Variants in PTPRD observed in about 807,000 individuals in gnomAD.
PTPRD encodes the protein protein tyrosine phosphatase receptor type D.
PTPRD carries 34 observed loss-of-function variants against 214.5 expected under a neutral mutation model. The ratio of observed to expected loss-of-function variants is 0.16; its 90% CI spans 0.12 to 0.21. The LOEUF is 0.21. PTPRD is among the 10% of genes least tolerant of loss of function. The pLI is 1.00. For synonymous variants in PTPRD, 1,128 were observed against 845.7 expected, an observed-to-expected ratio of 1.33 and a Z score of -5.79; for missense variants, 2,545 against 2,398.7, an observed-to-expected ratio of 1.06 and a Z score of -1.27.
intron 7 of PTPRD, among the ~76,000 whole-genome samples, chr9:9,625,900 C>G (rs761749681): frequency 3.9e-5 from 6 of 152,132 alleles, no homozygotes; most frequent in Non-Finnish European, 5.9e-5. Flanking sequence ...GAGCAGGAGT[C>G]AGCAGACTTT....
intron 16 of PTPRD, among the ~76,000 whole-genome samples, chr9:8,526,938 T>C (rs1010932445): frequency 3.6e-4 from 55 of 151,230 alleles, no homozygotes; most frequent in African/African-American, 1.1e-3. Context: ...TAGAATTATA[T>C]CTTATATGCC....
At chr9:10,361,473 T>A (rs1372970403) in intron 2 of PTPRD, among the ~76,000 whole-genome samples, 2 of 151,780 alleles carry the variant, frequency 1.3e-5, no homozygotes, top group African/African-American at 4.8e-5. Context: ...AGTAGCAGAG[T>A]GGACAGTTGG....
chr9:8,539,560 T>G (rs894654109), intron 14 of PTPRD, among the ~76,000 whole-genome samples: 4 of 151,834 alleles, frequency 2.6e-5, no homozygotes, highest in Non-Finnish European at 2.9e-5. Flanking sequence ...TGGAGAAGGC[T>G]TACAGAAACA....
chr9:8,319,809 A>T (rs1402795995), intron 45 of PTPRD, 22 bp downstream of exon 45: 1 of 1,611,370 alleles, frequency 6.2e-7, no homozygotes, highest in Non-Finnish European at 8.5e-7. Flanking sequence ...TGAGATGCGA[A>T]AAATGCAATG....
intron 12 of PTPRD, among the ~76,000 whole-genome samples, chr9:8,693,778 C>T (rs56250007): frequency 2.0e-5 from 3 of 152,198 alleles, no homozygotes; most frequent in Admixed American, 6.5e-5. Context: ...CAAAGCAAAG[C>T]TGAGAAAACA....
chr9:9,280,602 A>G (rs1239005370), intron 9 of PTPRD, among the ~76,000 whole-genome samples: 2 of 151,324 alleles, frequency 1.3e-5, no homozygotes, highest in Non-Finnish European at 3.0e-5. Context: ...CAGGAAAACT[A>G]TAAAACTTTG....
At chr9:8,817,521 C>A (rs550941407) in intron 11 of PTPRD, among the ~76,000 whole-genome samples, 56 of 152,136 alleles carry the variant, frequency 3.7e-4, no homozygotes, top group African/African-American at 1.3e-3. Context: ...CAGCCAGCTC[C>A]TTGGGAGGCT....
At chr9:8,635,396 C>G in intron 13 of PTPRD, among the ~76,000 whole-genome samples, 1 of 151,708 alleles carries the variant, frequency 6.6e-6, no homozygotes, top group East Asian at 1.9e-4. Flanking sequence ...TTCTACATGA[C>G]ACAGGAAACA....
intron 3 of PTPRD, among the ~76,000 whole-genome samples, chr9:10,321,414 G>A (rs73644416): frequency 0.01 from 1,538 of 152,056 alleles, 30 homozygotes; most frequent in African/African-American, 0.035. Context: ...GCAACAAACA[G>A]AAAACAGAAT....
intron 19 of PTPRD, among the ~76,000 whole-genome samples, chr9:8,522,427 T>A (rs1404638563): frequency 2.0e-5 from 3 of 152,136 alleles, no homozygotes; most frequent in African/African-American, 7.2e-5. Context: ...AGGTAAGGAT[T>A]GCAAATTCAG....
intron 9 of PTPRD, among the ~76,000 whole-genome samples, chr9:9,252,436 T>A (rs957175996): frequency 1.3e-5 from 2 of 152,138 alleles, no homozygotes; most frequent in Admixed American, 6.6e-5. Context: ...TCCCCCATAC[T>A]TTCTTCCTTT....
intron 3 of PTPRD, among the ~76,000 whole-genome samples, chr9:10,261,064 A>T (rs564384039): frequency 1.6e-5 from 2 of 125,948 alleles, no homozygotes; most frequent in Non-Finnish European, 3.2e-5. Flanking sequence ...ATGTGTATAT[A>T]TATTATATAT....
At chr9:9,800,153 T>A (rs1483910904) in intron 5 of PTPRD, among the ~76,000 whole-genome samples, 1 of 152,156 alleles carries the variant, frequency 6.6e-6, no homozygotes, top group Non-Finnish European at 1.5e-5. Flanking sequence ...CTTTTGGGAT[T>A]ATCTTAATGC....
At chr9:8,651,153 C>G (rs545597363) in intron 12 of PTPRD, among the ~76,000 whole-genome samples, 1 of 152,238 alleles carries the variant, frequency 6.6e-6, no homozygotes, top group Admixed American at 6.5e-5. Flanking sequence ...AATCTATATT[C>G]ATATATGCAA....
chr9:8,675,716 T>C (rs1357323540), intron 12 of PTPRD, among the ~76,000 whole-genome samples: 1 of 152,000 alleles, frequency 6.6e-6, no homozygotes, highest in East Asian at 1.9e-4. Context: ...TTCAACATCT[T>C]AGACAGATCT....
chr9:10,563,943 T>C (rs1328354279), intron 2 of PTPRD, among the ~76,000 whole-genome samples: 1 of 151,794 alleles, frequency 6.6e-6, no homozygotes, highest in Non-Finnish European at 1.5e-5. Flanking sequence ...AAAGACATAC[T>C]CTACAGCCCA....
At chr9:10,427,496 A>C (rs1379210605) in intron 2 of PTPRD, among the ~76,000 whole-genome samples, 1 of 151,944 alleles carries the variant, frequency 6.6e-6, no homozygotes, top group Non-Finnish European at 1.5e-5. Flanking sequence ...AGTAAGCATT[A>C]CTCCAGATGG....
intron 14 of PTPRD, among the ~76,000 whole-genome samples, chr9:8,618,759 C>A (rs183772413): frequency 6.6e-6 from 1 of 151,734 alleles, no homozygotes; most frequent in Admixed American, 6.6e-5. Context: ...TGCAGTGGTG[C>A]GATCTTGACT....
chr9:10,438,137 G>C (rs1261508900), intron 2 of PTPRD, among the ~76,000 whole-genome samples: 2 of 150,740 alleles, frequency 1.3e-5, no homozygotes, highest in Non-Finnish European at 3.0e-5. Flanking sequence ...ATTCAGCACA[G>C]GTGGTCCATT....
Sources: gnomAD v4.1 joint callset for allele counts (sites outside exome capture counted in the v4.1 genomes callset) on GRCh38, gnomAD v4.1.1 for gene constraint, MANE v1.5 for transcripts, NCBI Gene and HGNC (gene_info 2026-07-23, HGNC 2026-07-21) for gene names.